Variants in LRFN5 observed in about 807,000 individuals in gnomAD.
LRFN5 encodes the protein leucine-rich repeat and fibronectin type-III domain-containing protein 5.
A neutral mutation model predicts 45.6 loss-of-function variants in LRFN5; 24 were observed. That is an observed-to-expected ratio of 0.53 (90% CI 0.38 to 0.74). The LOEUF (loss-of-function observed/expected upper bound fraction) is 0.74. Among genes scored for constraint, LRFN5 ranks in the 30% least tolerant of loss-of-function variants. The probability of loss-of-function intolerance (pLI) is 0.00; values close to 1 mark genes in which losing one functional copy is unlikely to be tolerated. For missense variants in LRFN5, 776 were observed against 861.5 expected (o/e 0.90, Z 1.24); for synonymous variants, 340 against 313.8 (o/e 1.08, Z -0.88).
chr14:41,707,448 A>G (rs1170202149), intron 1 of LRFN5, among the ~76,000 whole-genome samples: 1 of 152,078 alleles, frequency 6.6e-6, no homozygotes, highest in Non-Finnish European at 1.5e-5. Context: ...ATCTTTGTAT[A>G]TTTTTACAAA....
At chr14:41,790,828 CA>C (rs1426625827) in intron 2 of LRFN5, among the ~76,000 whole-genome samples, 12 of 151,576 alleles carry the variant, frequency 7.9e-5, no homozygotes, top group African/African-American at 2.7e-4. Flanking sequence ...GTTTACAGTC[CA>C]ATTTTTAAAT....
intron 2 of LRFN5, among the ~76,000 whole-genome samples, chr14:41,803,915 G>A (rs769054993): frequency 6.6e-6 from 1 of 152,140 alleles, no homozygotes; most frequent in African/African-American, 2.4e-5. Context: ...CCAGGCTGGA[G>A]TGCAGTGGCA....
At chr14:41,773,313 G>C (rs1242593432) in intron 2 of LRFN5, among the ~76,000 whole-genome samples, 1 of 152,072 alleles carries the variant, frequency 6.6e-6, no homozygotes, top group Non-Finnish European at 1.5e-5. Flanking sequence ...ACTTTCTGAA[G>C]GAAGTTTTCT....
At chr14:41,874,005 A>C (rs1890108340) in intron 2 of LRFN5, among the ~76,000 whole-genome samples, 3 of 152,236 alleles carry the variant, frequency 2.0e-5, no homozygotes, top group Non-Finnish European at 4.4e-5. Flanking sequence ...TTAGATTTGA[A>C]ACACCAGTTA....
rs924301171 is a variant in LRFN5, at chr14:41,892,040, T to G, written c.2098+78T>G. The G allele has an allele frequency of 1.5e-5, 23 of 1,534,348 alleles. No individual in the cohort carries two copies. In the East Asian group the frequency reaches 5.3e-4, roughly 36 times the overall value. On this transcript the variant is annotated intron_variant, in intron 4 of 5. Coordinates refer to ENST00000298119, the MANE Select transcript of LRFN5 (RefSeq NM_152447.5). Reference sequence around the variant, plus strand: ...CCTCAATGGAGAATTAAAGGAATACTATTGTTATATTAACTCGCCGAACAC... The same window carrying G: ...CCTCAATGGAGAATTAAAGGAATACGATTGTTATATTAACTCGCCGAACAC...
intron 2 of LRFN5, among the ~76,000 whole-genome samples, chr14:41,827,565 G>A (rs921940996): frequency 6.6e-6 from 1 of 151,872 alleles, no homozygotes; most frequent in Non-Finnish European, 1.5e-5. Context: ...TGAAAAAAAT[G>A]AATGGCACAT....
At chr14:41,737,001 T>C (rs1594660058) in intron 1 of LRFN5, among the ~76,000 whole-genome samples, 1 of 152,260 alleles carries the variant, frequency 6.6e-6, no homozygotes, top group African/African-American at 2.4e-5. Context: ...ACTCATTTTC[T>C]GAGGCCAGCA....
chr14:41,790,563 G>A (rs767743828), intron 2 of LRFN5, among the ~76,000 whole-genome samples: 1 of 124,760 alleles, frequency 8.0e-6, no homozygotes, highest in African/African-American at 3.0e-5. Context: ...TAATATACAT[G>A]TAAGGCTAAT....
chr14:41,873,010 T>A (rs2139121891), intron 2 of LRFN5, among the ~76,000 whole-genome samples: 1 of 152,324 alleles, frequency 6.6e-6, no homozygotes, highest in Admixed American at 6.5e-5. Flanking sequence ...ATGGCTTGAT[T>A]TAAAATTCAC....
chr14:41,825,132 C>G (rs781214341), intron 2 of LRFN5, among the ~76,000 whole-genome samples: 3 of 152,146 alleles, frequency 2.0e-5, no homozygotes, highest in Non-Finnish European at 4.4e-5. Context: ...CTCTGCCGCT[C>G]CATGTAGAAA....
At chr14:41,653,844 C>T (rs1345056947) in intron 1 of LRFN5, among the ~76,000 whole-genome samples, 4 of 152,180 alleles carry the variant, frequency 2.6e-5, no homozygotes, top group African/African-American at 7.2e-5. Context: ...TTGGGATTTG[C>T]TTTGAAGATA....
chr14:41,815,243 A>G (rs564021942), intron 2 of LRFN5, among the ~76,000 whole-genome samples: 3 of 152,248 alleles, frequency 2.0e-5, no homozygotes, highest in Admixed American at 6.5e-5. Flanking sequence ...ATGCATGTTA[A>G]TAATTGTTAT....
At chr14:41,694,446 C>G (rs181398169) in intron 1 of LRFN5, among the ~76,000 whole-genome samples, 7 of 151,988 alleles carry the variant, frequency 4.6e-5, no homozygotes, top group Admixed American at 2.6e-4. Flanking sequence ...CAGTATTTGT[C>G]TTTCTGTGCC....
At chr14:41,665,189 A>C (rs901739945) in intron 1 of LRFN5, among the ~76,000 whole-genome samples, 1 of 151,986 alleles carries the variant, frequency 6.6e-6, no homozygotes, top group African/African-American at 2.4e-5. Context: ...TGGTTTCCAA[A>C]ATTGTTTTAT....
At chr14:41,680,677 G>C (rs1881845524) in intron 1 of LRFN5, among the ~76,000 whole-genome samples, 1 of 152,058 alleles carries the variant, frequency 6.6e-6, no homozygotes, top group Admixed American at 6.6e-5. Context: ...AGCCCAGACT[G>C]TGAAGACTAT....
intron 1 of LRFN5, among the ~76,000 whole-genome samples, chr14:41,715,690 C>T (rs937682619): frequency 1.3e-5 from 2 of 152,188 alleles, no homozygotes; most frequent in Non-Finnish European, 2.9e-5. Context: ...GGTACAGTCT[C>T]CCTCCTGGCT....
intron 2 of LRFN5, among the ~76,000 whole-genome samples, chr14:41,810,796 C>T (rs181416455): frequency 9.9e-5 from 15 of 152,136 alleles, no homozygotes; most frequent in Middle Eastern, 3.4e-3. Context: ...AACCTGCCAA[C>T]CTTAATGCTG....
chr14:41,893,949 G>C, intron 4 of LRFN5: 1 of 985,134 alleles, frequency 1.0e-6, no homozygotes, highest in Non-Finnish European at 1.2e-6. Flanking sequence ...AGCACTCAGA[G>C]TGAAATATAT....
At chr14:41,625,165 A>G (rs947427143) in intron 1 of LRFN5, among the ~76,000 whole-genome samples, 1 of 151,932 alleles carries the variant, frequency 6.6e-6, no homozygotes, top group African/African-American at 2.4e-5. Context: ...TTCATATAGT[A>G]CTCTGTGTTG....
Sources: allele counts gnomAD v4.1 joint callset (sites outside exome capture counted in the v4.1 genomes callset), GRCh38; gene constraint gnomAD v4.1.1; transcripts MANE v1.5; gene names NCBI Gene and HGNC (gene_info 2026-07-23, HGNC 2026-07-21).